Variants in ABCC4 observed in about 807,000 individuals in gnomAD.
ABCC4 encodes ATP binding cassette subfamily C member 4 (PEL blood group).
In ABCC4, 102 loss-of-function variants were observed where a neutral mutation model predicts 168.5. The observed-to-expected ratio is 0.61, with a 90% confidence interval of 0.52 to 0.71. The LOEUF is 0.71. ABCC4 is among the 30% of genes least tolerant of loss of function. ABCC4 has a pLI of 0.00. For synonymous variants in ABCC4, 617 were observed against 590.7 expected, an observed-to-expected ratio of 1.04 and a Z score of -0.65; for missense variants, 1,402 against 1,605.8, an observed-to-expected ratio of 0.87 and a Z score of 2.17.
At chr13:95,124,386 T>A (rs1311076639) in intron 19 of ABCC4, among the ~76,000 whole-genome samples, 2 of 151,818 alleles carry the variant, frequency 1.3e-5, no homozygotes, top group Admixed American at 1.3e-4. Flanking sequence ...CATTCACTCA[T>A]GATTGGAGAT....
At chr13:95,266,049 G>A (rs1227044715) in intron 1 of ABCC4, 2 of 152,140 alleles carry the variant, frequency 1.3e-5, no homozygotes, top group African/African-American at 4.8e-5. Flanking sequence ...TCCTGAAGGG[G>A]GTTTAATGGT....
intron 29 of ABCC4, among the ~76,000 whole-genome samples, chr13:95,037,574 G>C (rs574513089): frequency 6.6e-6 from 1 of 152,186 alleles, no homozygotes; most frequent in Admixed American, 6.5e-5. Context: ...ATTTGAACCC[G>C]GGTGTAAACC....
chr13:95,177,678 G>A, intron 13 of ABCC4, 29 bp downstream of exon 13: 1 of 1,582,750 alleles, frequency 6.3e-7, no homozygotes, highest in Non-Finnish European at 8.6e-7. Flanking sequence ...TGGAAAAGCA[G>A]AAATGACTTA....
At chr13:95,157,086 T>TA (rs2036886235) in intron 19 of ABCC4, among the ~76,000 whole-genome samples, 1 of 102,488 alleles carries the variant, frequency 9.8e-6, no homozygotes, top group African/African-American at 5.3e-5. Flanking sequence ...AGTGAGACTC[T>TA]ACCACACACA....
At position 95,234,843 on chromosome 13, in the gene ABCC4, A is replaced by C; in HGVS notation, c.307-9T>G. 1 of 1,518,204 alleles carries C rather than the reference A, an allele frequency of 6.6e-7. No homozygotes were observed. The highest frequency in any genetic ancestry group is 1.2e-5 in the South Asian group (1 of 81,524). The allele number at this position is 1,518,204 out of a possible 1,614,324, so 94.0% of individuals were successfully genotyped here. ...ATTACTTTGGCACTTTCCTAAAAGAAGAAAAAGAAAAGCCTTTAATTAGAC... is the reference window on the plus strand; with the variant it reads ...ATTACTTTGGCACTTTCCTAAAAGACGAAAAAGAAAAGCCTTTAATTAGAC... On this transcript the variant is annotated splice_polypyrimidine_tract_variant and intron_variant, in intron 3 of 30. Transcript: ENST00000645237.
chr13:95,026,598 A>C (rs2031555799), intron 30 of ABCC4, among the ~76,000 whole-genome samples: 3 of 152,212 alleles, frequency 2.0e-5, no homozygotes. Flanking sequence ...CATACAAGAA[A>C]AAAGATCTGG....
chr13:95,223,600 C>T (rs1381448436), intron 4 of ABCC4, among the ~76,000 whole-genome samples: 1 of 152,204 alleles, frequency 6.6e-6, no homozygotes, highest in Non-Finnish European at 1.5e-5. Context: ...CTCCCGGGTT[C>T]AAGCGATTCT....
chr13:95,120,497 C>T (rs1010209240), intron 19 of ABCC4, among the ~76,000 whole-genome samples: 8 of 136,308 alleles, frequency 5.9e-5, no homozygotes, highest in Non-Finnish European at 1.1e-4. Flanking sequence ...GCTCGGGAGG[C>T]GGAGGTTGCC....
chr13:95,202,826 GTTGTT>G (rs1332089734), intron 8 of ABCC4, among the ~76,000 whole-genome samples: 4 of 151,558 alleles, frequency 2.6e-5, no homozygotes, highest in South Asian at 4.2e-4. Context: ...TTTTGTTGTT[GTTGTT>G]TTATTTTTTG....
chr13:95,223,712 G>C (rs2039371764), intron 4 of ABCC4, among the ~76,000 whole-genome samples: 1 of 152,156 alleles, frequency 6.6e-6, no homozygotes, highest in African/African-American at 2.4e-5. Context: ...ATGTTGGCCA[G>C]GCTAGTCTCA....
chr13:95,147,612 T>C (rs934039977), intron 19 of ABCC4, among the ~76,000 whole-genome samples: 7 of 152,190 alleles, frequency 4.6e-5, no homozygotes, highest in African/African-American at 1.7e-4. Context: ...TCATTTTTCA[T>C]GCTTTTTGAA....
intron 8 of ABCC4, among the ~76,000 whole-genome samples, chr13:95,198,768 C>A (rs567499132): frequency 2.6e-5 from 4 of 152,272 alleles, no homozygotes; most frequent in Admixed American, 2.6e-4. Context: ...CTGTGGAATA[C>A]TATGCAGCCA....
In ABCC4 at chr13:95,034,744, TA is replaced by T; in HGVS notation, c.3736-6del. 6.2e-7 allele frequency: 1 copy of T among 1,613,964 alleles called. No homozygotes were observed. The highest frequency in any genetic ancestry group is 8.5e-7 in the Non-Finnish European group (1 of 1,179,996). On this transcript the variant is annotated splice_polypyrimidine_tract_variant and splice_region_variant and intron_variant, in intron 29 of 30. Coordinates refer to ENST00000645237, the MANE Select transcript of ABCC4 (RefSeq NM_005845.5). Reference sequence around the variant, plus strand: ...CAGTCTTCCTGAATCTAAAACCTGTTAATCAGCAGAAAGAAACCCATTGAAA... The same window carrying T: ...CAGTCTTCCTGAATCTAAAACCTGTTATCAGCAGAAAGAAACCCATTGAAA...
chr13:95,135,963 A>C (rs540435353), intron 19 of ABCC4, among the ~76,000 whole-genome samples: 2 of 152,300 alleles, frequency 1.3e-5, no homozygotes, highest in East Asian at 3.9e-4. Context: ...GACTGAAAGA[A>C]TTCCAGTTTC....
Position 95,075,483 on chromosome 13 carries a change from C to T in ABCC4, c.2755G>A (p.Ala919Thr). ...AACAGTTCCTGACACCTCTCTTCTG[C>T]TTTGTATGCCCGGATGGTCCAGAGC... ...QGLWTIRAYK[A>T]EERCQELFDA... is the part of the protein sequence containing the mutation. The change falls in exon 22 of 31, where the codon GCA (alanine) becomes ACA (threonine). Residue 919 changes from alanine (A) to threonine (T), a missense_variant. This residue lies in a region of ABCC4 where 1,007 missense variants were observed against 1,127.3 expected (regional missense o/e 0.89). Transcript: ENST00000645237. 6.2e-7 allele frequency: 1 copy of T among 1,614,142 alleles called. No individual in the cohort carries two copies. Among genetic ancestry groups the T allele is most frequent in the Non-Finnish European group, 8.5e-7 (1 of 1,180,002 alleles).
At chr13:95,177,592 T>G in intron 13 of ABCC4, 115 bp downstream of exon 13, 1 of 744,540 alleles carries the variant, frequency 1.3e-6, no homozygotes, top group Non-Finnish European at 2.2e-6. Flanking sequence ...GGGGACAGTG[T>G]GGGGAGGGGA....
chr13:95,064,248 GTGTGTGT>G, intron 25 of ABCC4, among the ~76,000 whole-genome samples: 1 of 7,720 alleles, frequency 1.3e-4, no homozygotes, highest in Admixed American at 1.4e-3. Context: ...ACATCCGGGT[GTGTGTGT>G]GTGTGTATAT....
intron 20 of ABCC4, among the ~76,000 whole-genome samples, chr13:95,104,906 G>C (rs1001967332): frequency 2.6e-5 from 4 of 152,200 alleles, no homozygotes; most frequent in African/African-American, 9.7e-5. Context: ...TTTGGCACCA[G>C]GGACTGGTTT....
At position 95,166,364 on chromosome 13, in the gene ABCC4, T is replaced by C; in HGVS notation, c.1828A>G (p.Lys610Glu). 6.2e-7 allele frequency: 1 copy of C among 1,609,968 alleles called. No individual in the cohort carries two copies. The highest frequency in any genetic ancestry group is 8.5e-7 in the Non-Finnish European group (1 of 1,178,712). ...GTGTAAGTCCCCTTCTGCACCATTT[T>C]ACCCTAAAATAAAAATAAAGAATTT... ...ASQILILKDG[K>E]MVQKGTYTEF... Residue 610 changes from lysine to glutamate, a missense_variant, in exon 15 of 31, where the codon AAA becomes GAA. Transcript: ENST00000645237.
Sources: allele counts gnomAD v4.1 joint callset (sites outside exome capture counted in the v4.1 genomes callset), GRCh38; gene constraint gnomAD v4.1.1; regional missense constraint gnomAD v4.1.1; transcripts MANE v1.5; gene names NCBI Gene and HGNC (gene_info 2026-07-23, HGNC 2026-07-21).